LRP1B: variants seen among roughly 807,000 people sequenced by gnomAD.
LRP1B encodes low-density lipoprotein receptor-related protein 1B.
LRP1B carries 217 observed loss-of-function variants against 556.6 expected under a neutral mutation model. The ratio of observed to expected loss-of-function variants is 0.39; its 90% CI spans 0.35 to 0.44. The LOEUF is 0.44. Among genes scored for constraint, LRP1B ranks in the 20% least tolerant of loss-of-function variants. LRP1B has a pLI of 1.00. For missense variants in LRP1B, 5,053 were observed against 5,620.8 expected (o/e 0.90, Z 3.23); for synonymous variants, 2,047 against 1,865.8 (o/e 1.10, Z -2.50).
intron 20 of LRP1B, among the ~76,000 whole-genome samples, chr2:140,949,054 T>C (rs965542901): frequency 1.3e-5 from 2 of 152,244 alleles, no homozygotes; most frequent in African/African-American, 4.8e-5. Context: ...CAAACATATC[T>C]GTGTAAAACA....
chr2:141,319,304 T>G (rs1280360930), intron 3 of LRP1B, among the ~76,000 whole-genome samples: 7 of 118,542 alleles, frequency 5.9e-5, no homozygotes, highest in East Asian at 2.9e-4. Context: ...GCAGTGTTTT[T>G]TTGTTGTTTT....
At chr2:142,078,849 T>A (rs1705607324) in intron 1 of LRP1B, among the ~76,000 whole-genome samples, 1 of 142,686 alleles carries the variant, frequency 7.0e-6, no homozygotes, top group Non-Finnish European at 1.5e-5. Flanking sequence ...GTATAGTGCC[T>A]AAAAAGCAAT....
intron 3 of LRP1B, among the ~76,000 whole-genome samples, chr2:141,365,023 G>A (rs1049335271): frequency 5.3e-5 from 8 of 152,110 alleles, no homozygotes; most frequent in Non-Finnish European, 1.2e-4. Flanking sequence ...GCAATTCACT[G>A]AGAGAAAACA....
At chr2:141,432,954 T>C (rs1424927221) in intron 3 of LRP1B, among the ~76,000 whole-genome samples, 1 of 152,008 alleles carries the variant, frequency 6.6e-6, no homozygotes. Context: ...TTTGCTACCA[T>C]TTTCTGGTGT....
intron 1 of LRP1B, among the ~76,000 whole-genome samples, chr2:141,909,264 A>G (rs1406962240): frequency 2.6e-5 from 4 of 152,092 alleles, no homozygotes; most frequent in Non-Finnish European, 4.4e-5. Flanking sequence ...GAAATAAATG[A>G]AAGGAACATT....
chr2:141,513,043 G>T (rs1000351198), intron 2 of LRP1B, among the ~76,000 whole-genome samples: 1 of 152,076 alleles, frequency 6.6e-6, no homozygotes, highest in East Asian at 1.9e-4. Context: ...CCTACAATGT[G>T]TCTACCTCCA....
intron 86 of LRP1B, 86 bp downstream of exon 86, chr2:140,270,156 C>T (rs1163352379): frequency 8.2e-5 from 76 of 923,766 alleles, no homozygotes; most frequent in Non-Finnish European, 3.3e-5. Context: ...TTAAAATTAC[C>T]CCAGAAAAGG....
intron 2 of LRP1B, among the ~76,000 whole-genome samples, chr2:141,612,937 G>C (rs1559176672): frequency 6.6e-6 from 1 of 152,008 alleles, no homozygotes; most frequent in Non-Finnish European, 1.5e-5. Flanking sequence ...CGAGTAGCTG[G>C]GACTACAGGT....
intron 43 of LRP1B, among the ~76,000 whole-genome samples, chr2:140,553,166 A>G (rs898496629): frequency 6.6e-6 from 1 of 152,112 alleles, no homozygotes; most frequent in Non-Finnish European, 1.5e-5. Flanking sequence ...GGTCCCTGCC[A>G]TGGCTGGGTA....
chr2:140,894,874 C>T (rs1397417551), intron 23 of LRP1B, among the ~76,000 whole-genome samples: 1 of 150,496 alleles, frequency 6.6e-6, no homozygotes, highest in Admixed American at 6.7e-5. Flanking sequence ...ACCTGGGAGG[C>T]AGAGGTTGTA....
intron 7 of LRP1B, among the ~76,000 whole-genome samples, chr2:141,116,710 C>A (rs1019332548): frequency 6.5e-5 from 9 of 139,318 alleles, no homozygotes; most frequent in African/African-American, 2.4e-4. Context: ...GTAATACAGG[C>A]AGGAACAGAT....
intron 86 of LRP1B, among the ~76,000 whole-genome samples, chr2:140,254,996 A>C (rs536876477): frequency 2.0e-5 from 3 of 152,328 alleles, no homozygotes; most frequent in African/African-American, 7.2e-5. Context: ...CACTCTCAAA[A>C]TATGTTTAAA....
chr2:141,553,882 TATATA>T lies in LRP1B; in HGVS notation c.206-73354_206-73350del, dbSNP rs1469232371. Among the ~76,000 whole-genome samples, 11 of 112,284 alleles carry T rather than the reference TATATA, an allele frequency of 9.8e-5. 1 individual carries two copies. The highest frequency in any genetic ancestry group is 6.0e-4 in the South Asian group (2 of 3,332). The allele number at this position is 112,284 out of a possible 152,430, so 73.7% of individuals were successfully genotyped here. ...TATAATATATCTATAATAATATAGT[TATATA>T]ATATATCTATATTAATATAGTTATA... is the stretch of plus-strand genomic sequence containing the variant. On this transcript the variant is annotated intron_variant, in intron 2 of 90. Transcript: ENST00000389484.
chr2:141,091,720 G>T (rs940280168), intron 7 of LRP1B, among the ~76,000 whole-genome samples: 3 of 152,150 alleles, frequency 2.0e-5, no homozygotes, highest in Non-Finnish European at 4.4e-5. Context: ...GAAAATGAAT[G>T]AAGGAATACA....
intron 7 of LRP1B, among the ~76,000 whole-genome samples, chr2:141,127,088 TTA>T (rs1426497345): frequency 6.7e-6 from 1 of 149,680 alleles, no homozygotes; most frequent in African/African-American, 2.4e-5. Context: ...CAGCTCTCAC[TTA>T]TGAGTGAGAA....
chr2:140,395,966 A>T (rs1363217210), intron 66 of LRP1B, among the ~76,000 whole-genome samples: 1 of 152,134 alleles, frequency 6.6e-6, no homozygotes, highest in Non-Finnish European at 1.5e-5. Context: ...TTACACTCTC[A>T]TCTTTTGCCA....
chr2:141,739,013 C>A (rs1010467171), intron 2 of LRP1B, among the ~76,000 whole-genome samples: 4 of 152,184 alleles, frequency 2.6e-5, no homozygotes, highest in East Asian at 1.9e-4. Context: ...CGTATGTACA[C>A]TCACATAAAG....
chr2:140,547,805 T>C (rs1354554355), intron 43 of LRP1B, among the ~76,000 whole-genome samples: 1 of 152,076 alleles, frequency 6.6e-6, no homozygotes, highest in Non-Finnish European at 1.5e-5. Context: ...ACTTTTGTGA[T>C]TTCCGCTTGC....
chr2:140,291,315 T>TAAA (rs1683369417), intron 84 of LRP1B, among the ~76,000 whole-genome samples: 2 of 79,868 alleles, frequency 2.5e-5, no homozygotes, highest in African/African-American at 4.4e-5. Context: ...TATATATATA[T>TAAA]ATATTTTTAT....
Sources: gnomAD v4.1 joint callset for allele counts (sites outside exome capture counted in the v4.1 genomes callset) on GRCh38, gnomAD v4.1.1 for gene constraint, MANE v1.5 for transcripts, NCBI Gene and HGNC (gene_info 2026-07-23, HGNC 2026-07-21) for gene names.